The following MMP16 variants were observed in gnomAD, a reference collection of about 807,000 sequenced individuals.
MMP16 encodes matrix metalloproteinase-16.
A neutral mutation model predicts 67.8 loss-of-function variants in MMP16; 12 were observed. The ratio of observed to expected loss-of-function variants is 0.18; its 90% CI spans 0.11 to 0.29. MMP16 has a LOEUF of 0.29. MMP16 is among the 10% of genes least tolerant of loss of function. The pLI is 1.00. For synonymous variants in MMP16, 249 were observed against 255.9 expected (o/e 0.97, Z 0.26); for missense variants, 475 against 765.7 (o/e 0.62, Z 4.48).
Position 88,130,200 on chromosome 8 carries a change from C to T in MMP16, c.710-11339G>A, listed in dbSNP as rs149202547. The stretch of plus-strand genomic sequence containing the variant: ...ATCACAAATTCAGTAATTATTTGTG[C>T]AGTCAAAATTAGCGAGGATTAACTG... On this transcript the variant is annotated intron_variant, in intron 4 of 9. Transcript: ENST00000286614. Among the ~76,000 whole-genome samples, 236 of 151,830 alleles carry T rather than the reference C, an allele frequency of 1.6e-3. 2 individuals carry two copies. Among genetic ancestry groups the T allele is most frequent in the Non-Finnish European group, 4.9e-4 (33 of 67,808 alleles).
At position 88,246,121 on chromosome 8, in the gene MMP16, G is replaced by A. The variant is rs185212073; in HGVS notation, c.133-48815C>T. ...GTTAAAATCCCCAAATCCAATCTCC[G>A]TATGTGACAGCTAAAACAAAAGTAA... On this transcript the variant is annotated intron_variant, in intron 1 of 9. Transcript: ENST00000286614. 1.6e-4 allele frequency among the ~76,000 whole-genome samples: 25 copies of A among 152,144 alleles called. No individual in the cohort carries two copies. In the East Asian group the frequency reaches 2.3e-3, roughly 14 times the overall value.
intron 6 of MMP16, among the ~76,000 whole-genome samples, chr8:88,092,808 TA>T (rs1440683295): frequency 6.6e-6 from 1 of 151,872 alleles, no homozygotes; most frequent in Non-Finnish European, 1.5e-5. Context: ...CGAGATATAG[TA>T]ACTACAAAGT....
chr8:88,242,316 T>C (rs1810045810), intron 1 of MMP16, among the ~76,000 whole-genome samples: 3 of 152,368 alleles, frequency 2.0e-5, no homozygotes, highest in East Asian at 1.9e-4. Context: ...CTAACATTTA[T>C]GTCTTTCATT....
At position 88,170,133 on chromosome 8, in the gene MMP16, C is replaced by T. The variant is rs1186083239; in HGVS notation, c.405-2160G>A. ...TCCCAAGATATACCAATGGATTAGA[C>T]ATAGGCTATGAGGAAAAAAGTAAGA... On this transcript the variant is annotated intron_variant, in intron 3 of 9. Coordinates refer to ENST00000286614, the MANE Select transcript of MMP16 (RefSeq NM_005941.5). Among the ~76,000 whole-genome samples, 5 of 152,230 alleles carry T rather than the reference C, an allele frequency of 3.3e-5. No individual in the cohort carries two copies. The East Asian group carries it at 7.7e-4, about 24-fold the overall frequency.
At chr8:88,249,275 A>G in intron 1 of MMP16, among the ~76,000 whole-genome samples, 1 of 152,092 alleles carries the variant, frequency 6.6e-6, no homozygotes, top group East Asian at 1.9e-4. Flanking sequence ...AAAATTTGGA[A>G]GCCAGAGAGG....
At chr8:88,128,478 T>A (rs990831518) in intron 4 of MMP16, among the ~76,000 whole-genome samples, 2 of 151,812 alleles carry the variant, frequency 1.3e-5, no homozygotes, top group Non-Finnish European at 2.9e-5. Flanking sequence ...CAGACTTCCC[T>A]TTTCTTAAAA....
At chr8:88,261,382 T>C (rs1405617690) in intron 1 of MMP16, among the ~76,000 whole-genome samples, 1 of 152,104 alleles carries the variant, frequency 6.6e-6, no homozygotes, top group Non-Finnish European at 1.5e-5. Context: ...TACTGTATAA[T>C]CAGTGCATCA....
At chr8:88,105,312 T>C (rs1809218677) in intron 6 of MMP16, among the ~76,000 whole-genome samples, 1 of 151,574 alleles carries the variant, frequency 6.6e-6, no homozygotes, top group Non-Finnish European at 1.5e-5. Context: ...ATTTTTACTT[T>C]ATTAATTTTG....
chr8:88,138,373 T>C (rs1424858096), intron 4 of MMP16, among the ~76,000 whole-genome samples: 1 of 152,128 alleles, frequency 6.6e-6, no homozygotes, highest in Admixed American at 6.6e-5. Context: ...ACAGGCCCTA[T>C]ACTCTAATTT....
At chr8:88,143,733 T>C (rs866999319) in intron 4 of MMP16, among the ~76,000 whole-genome samples, 3 of 151,964 alleles carry the variant, frequency 2.0e-5, no homozygotes, top group Non-Finnish European at 2.9e-5. Flanking sequence ...AATGCAGTCA[T>C]TGTTTTTAAG....
rs535377079 is a variant in MMP16, at chr8:88,087,637, G to A, written c.1084-12894C>T. ...AAGAACACAGAAAGTGGAGCAGGCC[G>A]TCAGCATTAGGAATATGATATTGAG... On this transcript the variant is annotated intron_variant, in intron 6 of 9. Coordinates refer to ENST00000286614, the MANE Select transcript of MMP16 (RefSeq NM_005941.5). Among the ~76,000 whole-genome samples, 6 of 151,756 alleles carry A rather than the reference G, an allele frequency of 4.0e-5. 1 individual carries two copies. The South Asian group carries it at 8.3e-4, about 21-fold the overall frequency.
chr8:88,096,548 CAA>C (rs926450680), intron 6 of MMP16, among the ~76,000 whole-genome samples: 10 of 151,394 alleles, frequency 6.6e-5, no homozygotes, highest in African/African-American at 1.9e-4. Flanking sequence ...TAAAAATAAA[CAA>C]GAGAAATACA....
intron 1 of MMP16, among the ~76,000 whole-genome samples, chr8:88,230,046 T>C (rs916865750): frequency 3.9e-5 from 6 of 152,134 alleles, no homozygotes; most frequent in Non-Finnish European, 8.8e-5. Context: ...AACAAGCCAA[T>C]ATTACATAAA....
intron 6 of MMP16, among the ~76,000 whole-genome samples, chr8:88,094,573 C>T (rs1200813032): frequency 6.6e-6 from 1 of 151,066 alleles, no homozygotes; most frequent in Non-Finnish European, 1.5e-5. Flanking sequence ...AGATCTAGGG[C>T]TAAAAAAACT....
intron 3 of MMP16, among the ~76,000 whole-genome samples, chr8:88,172,194 ACCCCT>A (rs1198776813): frequency 6.6e-6 from 1 of 152,064 alleles, no homozygotes; most frequent in Non-Finnish European, 1.5e-5. Flanking sequence ...AAAAGTAGTA[ACCCCT>A]CATTTTTTTT....
At chr8:88,137,115 T>G (rs1808132553) in intron 4 of MMP16, among the ~76,000 whole-genome samples, 4 of 151,956 alleles carry the variant, frequency 2.6e-5, no homozygotes, top group Admixed American at 2.6e-4. Flanking sequence ...TGACTTAGAT[T>G]TTCCAGATGA....
intron 3 of MMP16, among the ~76,000 whole-genome samples, chr8:88,169,040 T>C (rs1372758139): frequency 3.3e-5 from 5 of 152,034 alleles, no homozygotes; most frequent in Non-Finnish European, 7.4e-5. Flanking sequence ...AAAAAGAGGA[T>C]ACCATATTCA....
chr8:88,104,755 A>G (rs1809207845), intron 6 of MMP16, among the ~76,000 whole-genome samples: 1 of 151,592 alleles, frequency 6.6e-6, no homozygotes, highest in Non-Finnish European at 1.5e-5. Context: ...ATTCCACTGA[A>G]GGGGACAAGA....
chr8:88,258,373 A>G (rs373355997), intron 1 of MMP16, among the ~76,000 whole-genome samples: 3 of 152,330 alleles, frequency 2.0e-5, no homozygotes, highest in African/African-American at 7.2e-5. Flanking sequence ...ACTATGAATA[A>G]GTTACCAGAG....
Sources: allele counts gnomAD v4.1 joint callset (sites outside exome capture counted in the v4.1 genomes callset), GRCh38; gene constraint gnomAD v4.1.1; transcripts MANE v1.5; gene names NCBI Gene and HGNC (gene_info 2026-07-23, HGNC 2026-07-21).